CDC45: variants seen among roughly 807,000 people sequenced by gnomAD.
CDC45 encodes the protein cell division cycle 45.
CDC45 carries 54 observed loss-of-function variants against 77.8 expected under a neutral mutation model. That is an observed-to-expected ratio of 0.69 (90% CI 0.56 to 0.87). CDC45 has a LOEUF of 0.87. Among genes scored for constraint, CDC45 ranks in the 40% least tolerant of loss-of-function variants. CDC45 has a pLI of 0.00. For synonymous variants in CDC45, 260 were observed against 272.1 expected (o/e 0.96, Z 0.44); for missense variants, 649 against 721.6 (o/e 0.90, Z 1.15).
At chr22:19,513,203 C>G (rs1054661768) in intron 13 of CDC45, among the ~76,000 whole-genome samples, 28 of 152,130 alleles carry the variant, frequency 1.8e-4, no homozygotes, top group African/African-American at 6.3e-4. Context: ...TAGAAACAGC[C>G]TTACTTTGCT....
At chr22:19,485,839 G>A (rs940889861) in intron 5 of CDC45, among the ~76,000 whole-genome samples, 7 of 152,090 alleles carry the variant, frequency 4.6e-5, no homozygotes, top group African/African-American at 1.7e-4. Context: ...CTACTTGGGA[G>A]GCCAAGGCAG....
chr22:19,496,206 C>T (rs922975510), intron 7 of CDC45, among the ~76,000 whole-genome samples, 177 bp downstream of exon 7: 2 of 152,200 alleles, frequency 1.3e-5, no homozygotes, highest in Admixed American at 6.5e-5. Flanking sequence ...CCTTAAACAT[C>T]TCCTCCTCTG....
chr22:19,516,786 C>G, intron 16 of CDC45, 31 bp from the exon 17 acceptor site: 1 of 1,605,246 alleles, frequency 6.2e-7, no homozygotes. Flanking sequence ...TGCAGGCCGC[C>G]TGGCCCCCGA....
At chr22:19,494,508 G>A (rs2090207629) in intron 6 of CDC45, 126 bp downstream of exon 6, 2 of 1,552,628 alleles carry the variant, frequency 1.3e-6, no homozygotes, top group East Asian at 2.4e-5. Flanking sequence ...TTGGGCCAGT[G>A]GCTCTGGGAG....
chr22:19,482,223 A>G (rs1443353914), intron 3 of CDC45, among the ~76,000 whole-genome samples: 1 of 152,198 alleles, frequency 6.6e-6, no homozygotes, highest in Non-Finnish European at 1.5e-5. Context: ...AAGGACCCGC[A>G]CCAGCTTGGT....
At chr22:19,486,917 C>A (rs1306618829) in intron 5 of CDC45, among the ~76,000 whole-genome samples, 1 of 152,132 alleles carries the variant, frequency 6.6e-6, no homozygotes, top group African/African-American at 2.4e-5. Flanking sequence ...ACCTCATGAT[C>A]CTCCCACCTT....
At chr22:19,492,586 C>A (rs1191966363) in intron 5 of CDC45, among the ~76,000 whole-genome samples, 1 of 152,146 alleles carries the variant, frequency 6.6e-6, no homozygotes, top group Non-Finnish European at 1.5e-5. Flanking sequence ...TCTAACAACT[C>A]TGTCATCTTG....
At chr22:19,497,896 CA>C (rs1003178994) in intron 8 of CDC45, among the ~76,000 whole-genome samples, 14 of 144,500 alleles carry the variant, frequency 9.7e-5, no homozygotes, top group South Asian at 2.2e-4. Context: ...AACCCTGTCT[CA>C]AAAAAAAAAA....
chr22:19,515,167 G>A (rs1330810054), intron 15 of CDC45, 119 bp downstream of exon 15: 2 of 824,138 alleles, frequency 2.4e-6, no homozygotes, highest in Non-Finnish European at 3.7e-6. Context: ...GCAAGGTCTA[G>A]GCACATCCAT....
At chr22:19,501,877 G>T (rs1568926557) in intron 9 of CDC45, among the ~76,000 whole-genome samples, 1 of 152,096 alleles carries the variant, frequency 6.6e-6, no homozygotes. Flanking sequence ...GCCATGCCTG[G>T]CTAATTTTTT....
At chr22:19,480,906 T>TGCTA (rs764709005) in intron 2 of CDC45, 47 bp from the exon 3 acceptor site, 1 of 1,216,600 alleles carries the variant, frequency 8.2e-7, no homozygotes, top group Admixed American at 1.9e-5. Context: ...CAAGGTAAAT[T>TGCTA]GCTAATGTCC....
In CDC45 at chr22:19,493,239, G is replaced by GTTTTGTTTTGTTTTGTTTTGTT. The variant is rs112060234; in HGVS notation, c.487-1086_487-1085insTTGTTTTGTTTTGTTTTGTTTT. On this transcript the variant is annotated intron_variant, in intron 5 of 18. Coordinates refer to ENST00000263201, the MANE Select transcript of CDC45 (RefSeq NM_003504.5). Reference sequence around the variant, plus strand: ...GCAGCTTTTGTGGGTTTTTTTTTTTGTTGTTTTGTTTTGTTTTGTTTTGTT... The same window carrying GTTTTGTTTTGTTTTGTTTTGTT: ...GCAGCTTTTGTGGGTTTTTTTTTTTGTTTTGTTTTGTTTTGTTTTGTTTTGTTTTGTTTTGTTTTGTTTTGTT... Among the ~76,000 whole-genome samples, 835 of 146,898 alleles carry GTTTTGTTTTGTTTTGTTTTGTT rather than the reference G, an allele frequency of 5.7e-3. 9 individuals carry two copies. Among genetic ancestry groups the GTTTTGTTTTGTTTTGTTTTGTT allele is most frequent in the Middle Eastern group, 0.028 (8 of 284 alleles).
Position 19,511,028 on chromosome 22 carries a change from G to A in CDC45, c.1217+2337G>A, listed in dbSNP as rs150960775. ...ATACCTACATGTGGAAATGCTGGGT[G>A]ACATGGTAACACTAGGTTTCAAGGA... is the stretch of plus-strand genomic sequence containing the variant. On this transcript the variant is annotated intron_variant, in intron 13 of 18. Coordinates refer to ENST00000263201, the MANE Select transcript of CDC45 (RefSeq NM_003504.5). Among the ~76,000 whole-genome samples, 8 of 152,318 alleles carry A rather than the reference G, an allele frequency of 5.3e-5. No homozygotes were observed. In the East Asian group the frequency reaches 1.5e-3, roughly 29 times the overall value.
upstream of CDC45, chr22:19,479,508 A>C (rs770441180): frequency 3.5e-6 from 2 of 578,478 alleles, no homozygotes; most frequent in South Asian, 3.0e-5. Context: ...GGCGGAACTA[A>C]GCTACAAATC....
chr22:19,509,316 A>G (rs890941092), intron 13 of CDC45, among the ~76,000 whole-genome samples: 1 of 152,254 alleles, frequency 6.6e-6, no homozygotes, highest in Non-Finnish European at 1.5e-5. Flanking sequence ...GGAGAAGTTC[A>G]CGAAAGCTAG....
chr22:19,487,332 G>A (rs1378586422), intron 5 of CDC45, among the ~76,000 whole-genome samples: 1 of 148,988 alleles, frequency 6.7e-6, no homozygotes, highest in Non-Finnish European at 1.5e-5. Flanking sequence ...TACCAGACTG[G>A]ACAACATAGC....
At chr22:19,482,598 G>A (rs1217112191) in intron 3 of CDC45, 92 bp from the exon 4 acceptor site, 9 of 1,373,668 alleles carry the variant, frequency 6.6e-6, no homozygotes, top group Non-Finnish European at 8.0e-6. Context: ...CAGGGACTGA[G>A]TGAGTTTAAG....
chr22:19,488,124 T>G (rs557971860), intron 5 of CDC45, among the ~76,000 whole-genome samples: 2 of 152,342 alleles, frequency 1.3e-5, no homozygotes, highest in African/African-American at 4.8e-5. Context: ...GTATCTGCTA[T>G]AACAGCTTTG....
intron 13 of CDC45, 111 bp downstream of exon 13, chr22:19,508,802 A>C (rs777007490): frequency 2.8e-5 from 28 of 997,222 alleles, no homozygotes; most frequent in Non-Finnish European, 3.7e-5. Context: ...TGTCCTGCAG[A>C]AACTGCTTGG....
Sources: allele counts gnomAD v4.1 joint callset (sites outside exome capture counted in the v4.1 genomes callset), GRCh38; gene constraint gnomAD v4.1.1; transcripts MANE v1.5; gene names NCBI Gene and HGNC (gene_info 2026-07-23, HGNC 2026-07-21).